Variants in FBXO25 observed in about 807,000 individuals in gnomAD.
FBXO25 encodes the protein F-box protein 25.
In FBXO25, 45 loss-of-function variants were observed where a neutral mutation model predicts 51.9. The ratio of observed to expected loss-of-function variants is 0.87; its 90% confidence interval spans 0.68 to 1.11. FBXO25 has a LOEUF of 1.11. Ranked by LOEUF, FBXO25 falls within the 50% of genes most tolerant of loss-of-function variation. The pLI is 0.00. For synonymous variants in FBXO25, 199 were observed against 151.0 expected, an observed-to-expected ratio of 1.32 and a Z score of -2.33; for missense variants, 507 against 428.5, an observed-to-expected ratio of 1.18 and a Z score of -1.62.
Position 463,060 on chromosome 8 carries a change from G to A in FBXO25, c.897G>A (p.Met299Ile). ...SEKGHIEWKL[M>I]YFALQKHYPA... ...AAGGTCATATTGAATGGAAGTTGATGTACTTTGCACTTCAGAAACATTACC... is the reference window on the plus strand; with the variant it reads ...AAGGTCATATTGAATGGAAGTTGATATACTTTGCACTTCAGAAACATTACC... The change falls in exon 9 of 10, where the codon ATG becomes ATA. Residue 299 changes from methionine (M) to isoleucine (I), a missense_variant. Transcript: ENST00000350302. The A allele has an allele frequency of 6.2e-7, 1 of 1,613,768 alleles. No homozygotes were observed. The highest frequency in any genetic ancestry group is 8.5e-7 in the Non-Finnish European group (1 of 1,179,948).
chr8:466,064 A>AGT (rs1205301284), intron 9 of FBXO25, among the ~76,000 whole-genome samples: 2 of 152,194 alleles, frequency 1.3e-5, no homozygotes, highest in African/African-American at 2.4e-5. Context: ...CTGTAGCTAC[A>AGT]GTGAGTGGTC....
chr8:412,340 C>T (rs766708828), intron 1 of FBXO25, among the ~76,000 whole-genome samples: 3 of 152,144 alleles, frequency 2.0e-5, no homozygotes, highest in Non-Finnish European at 2.9e-5. Flanking sequence ...TCTTCAAGTA[C>T]TGTTTGACTC....
intron 2 of FBXO25, among the ~76,000 whole-genome samples, chr8:419,597 C>G (rs1797029451): frequency 6.6e-6 from 1 of 152,028 alleles, no homozygotes; most frequent in African/African-American, 2.4e-5. Flanking sequence ...GGCTAGAAAA[C>G]TAGATGTGTA....
At position 410,758 on chromosome 8, in the gene FBXO25, A is replaced by C. The variant is rs368910224; in HGVS notation, c.-7-2315A>C. On this transcript the variant is annotated intron_variant, in intron 1 of 9. Coordinates refer to ENST00000350302, the MANE Select transcript of FBXO25 (RefSeq NM_183420.2). ...ACAAAGTTTATCAAAATTGTGCTGAAATTTAAGGAATAAAGTATTTTCTAA... is the reference window on the plus strand; with the variant it reads ...ACAAAGTTTATCAAAATTGTGCTGACATTTAAGGAATAAAGTATTTTCTAA... Among the ~76,000 whole-genome samples, 18 of 152,346 alleles carry C rather than the reference A, an allele frequency of 1.2e-4. No homozygotes were observed. The South Asian group carries it at 3.3e-3, about 28-fold the overall frequency.
chr8:453,781 T>A (rs1267463510), intron 7 of FBXO25, among the ~76,000 whole-genome samples: 1 of 152,146 alleles, frequency 6.6e-6, no homozygotes, highest in East Asian at 1.9e-4. Context: ...CTTTCTCCAG[T>A]GAGCTGACAG....
chr8:446,020 C>G (rs1798717136), intron 5 of FBXO25, among the ~76,000 whole-genome samples: 1 of 151,828 alleles, frequency 6.6e-6, no homozygotes, highest in Non-Finnish European at 1.5e-5. Context: ...TGTCTCACAC[C>G]TTGGCACACC....
chr8:452,407 T>G (rs1203064939), intron 7 of FBXO25, among the ~76,000 whole-genome samples: 1 of 147,134 alleles, frequency 6.8e-6, no homozygotes, highest in Non-Finnish European at 1.5e-5. Flanking sequence ...GCTGCCTCTT[T>G]TACTGCGTTC....
intron 2 of FBXO25, among the ~76,000 whole-genome samples, chr8:429,437 C>G (rs1797686443): frequency 6.6e-6 from 1 of 152,056 alleles, no homozygotes; most frequent in Admixed American, 6.5e-5. Context: ...TGATGTTTGT[C>G]TTGCTGGTGA....
rs929037998 is a variant in FBXO25, at chr8:471,926, G to T, written c.*3122G>T. ...TGAACAGTTTTTTGCCTTAAGTGCT[G>T]CTTTTAGAACCAAACTGTCATATAA... On this transcript the variant is annotated 3_prime_UTR_variant, in exon 10 of 10. Transcript: ENST00000350302. The T allele has an allele frequency of 2.0e-5, 3 of 152,174 alleles. No individual in the cohort carries two copies. Among genetic ancestry groups the T allele is most frequent in the African/African-American group, 7.2e-5 (3 of 41,446 alleles). 9.4% of individuals were successfully genotyped at this position (152,174 alleles called of 1,614,324 possible). A position where few individuals can be genotyped will look rare whatever the true frequency, so the allele number is the denominator to read the frequency against.
intron 5 of FBXO25, among the ~76,000 whole-genome samples, chr8:445,775 G>C (rs140873736): frequency 2.0e-5 from 3 of 152,200 alleles, no homozygotes; most frequent in Non-Finnish European, 4.4e-5. Flanking sequence ...GGAAGCTGAG[G>C]CTAGAGAATC....
chr8:435,076 C>G (rs1417168390), intron 4 of FBXO25, among the ~76,000 whole-genome samples: 1 of 152,158 alleles, frequency 6.6e-6, no homozygotes, highest in East Asian at 1.9e-4. Context: ...CAGCCCTGAT[C>G]CTTGTGGTTG....
chr8:468,698 C>T lies in FBXO25; in HGVS notation c.988-17C>T. On this transcript the variant is annotated splice_polypyrimidine_tract_variant and intron_variant, in intron 9 of 9. Transcript: ENST00000350302. Reference sequence around the variant, plus strand: ...GGTGGTGGGGCCCCCTCCTAACCATCTCCCACCTCCCCACAGGACTCAGGA... The same window carrying T: ...GGTGGTGGGGCCCCCTCCTAACCATTTCCCACCTCCCCACAGGACTCAGGA... 1 of 1,610,996 alleles carries T rather than the reference C, an allele frequency of 6.2e-7. No homozygotes were observed. Among genetic ancestry groups the T allele is most frequent in the Non-Finnish European group, 8.5e-7 (1 of 1,178,132 alleles).
intron 3 of FBXO25, among the ~76,000 whole-genome samples, chr8:431,966 G>A (rs1797842974): frequency 6.6e-6 from 1 of 152,160 alleles, no homozygotes; most frequent in Non-Finnish European, 1.5e-5. Context: ...GTGGATGCCT[G>A]AAACTGTGGA....
chr8:455,639 C>T (rs1477223161), intron 7 of FBXO25, among the ~76,000 whole-genome samples: 1 of 152,186 alleles, frequency 6.6e-6, no homozygotes, highest in Non-Finnish European at 1.5e-5. Flanking sequence ...AGCAGAAGTG[C>T]TTCCACAGAG....
intron 5 of FBXO25, among the ~76,000 whole-genome samples, chr8:443,245 T>C (rs1487404898): frequency 1.3e-5 from 2 of 151,044 alleles, no homozygotes; most frequent in African/African-American, 2.5e-5. Flanking sequence ...CAAAAAAAGT[T>C]TGTCCTCCAG....
At chr8:445,872 A>G (rs1798708053) in intron 5 of FBXO25, among the ~76,000 whole-genome samples, 1 of 152,218 alleles carries the variant, frequency 6.6e-6, no homozygotes, top group Non-Finnish European at 1.5e-5. Context: ...ACTCCGTCTC[A>G]CAAAACAAAA....
chr8:426,327 T>G (rs945750252), intron 2 of FBXO25, among the ~76,000 whole-genome samples: 3 of 152,236 alleles, frequency 2.0e-5, no homozygotes, highest in African/African-American at 7.2e-5. Flanking sequence ...CTGTGGCTTA[T>G]ATTTTTTCCC....
At chr8:422,609 T>G (rs887259402) in intron 2 of FBXO25, among the ~76,000 whole-genome samples, 1 of 152,210 alleles carries the variant, frequency 6.6e-6, no homozygotes, top group Non-Finnish European at 1.5e-5. Flanking sequence ...GGGTGGAAAC[T>G]TGGGGACACT....
At chr8:426,362 A>G (rs1039890450) in intron 2 of FBXO25, among the ~76,000 whole-genome samples, 12 of 152,102 alleles carry the variant, frequency 7.9e-5, no homozygotes, top group Non-Finnish European at 1.3e-4. Flanking sequence ...TATGTTACTG[A>G]ACCTATTCTA....
Sources: allele counts gnomAD v4.1 joint callset (sites outside exome capture counted in the v4.1 genomes callset), GRCh38; gene constraint gnomAD v4.1.1; transcripts MANE v1.5; gene names NCBI Gene and HGNC (gene_info 2026-07-23, HGNC 2026-07-21).